PTPRM: variants seen among roughly 807,000 people sequenced by gnomAD.
PTPRM encodes the protein receptor-type tyrosine-protein phosphatase mu.
Under a neutral mutation model 186.7 loss-of-function variants are expected in PTPRM, and 47 were observed. That is an observed-to-expected ratio of 0.25 (90% confidence interval 0.20 to 0.32). The LOEUF is 0.32. PTPRM is among the 10% of genes least tolerant of loss of function. PTPRM has a pLI of 1.00. For synonymous variants in PTPRM, 668 were observed against 674.9 expected (o/e 0.99, Z 0.16); for missense variants, 1,494 against 1,865.0 (o/e 0.80, Z 3.66).
At chr18:8,392,693 C>A (rs755599904) in intron 31 of PTPRM, among the ~76,000 whole-genome samples, 1 of 151,432 alleles carries the variant, frequency 6.6e-6, no homozygotes. Context: ...AGGGATAGTG[C>A]GGGATGAGCC....
At chr18:8,070,521 G>A (rs2089404285) in intron 8 of PTPRM, among the ~76,000 whole-genome samples, 1 of 152,202 alleles carries the variant, frequency 6.6e-6, no homozygotes, top group Non-Finnish European at 1.5e-5. Flanking sequence ...CAGGAACAAT[G>A]TTGAAACCGG....
chr18:7,951,870 C>T (rs529913606), intron 6 of PTPRM, among the ~76,000 whole-genome samples: 13 of 152,228 alleles, frequency 8.5e-5, no homozygotes, highest in Non-Finnish European at 1.3e-4. Context: ...TATACCATAT[C>T]ATATTTGGAG....
At chr18:7,629,520 CA>C (rs879350902) in intron 1 of PTPRM, among the ~76,000 whole-genome samples, 54 of 152,216 alleles carry the variant, frequency 3.5e-4, no homozygotes, top group Admixed American at 1.9e-3. Context: ...TGGGGTATAA[CA>C]GAGGTCACAA....
chr18:7,906,558 G>C lies in PTPRM; in HGVS notation c.522G>C (p.Glu174Asp). Residue 174 changes from glutamate (E) to aspartate (D), a missense_variant, in exon 4 of 33, where the codon GAG (glutamate) becomes GAC (aspartate). Glu to Asp is a conservative substitution (Grantham distance 45). Transcript: ENST00000580170. Reference protein sequence around the residue: ...SGHQGYLAIDEVKVLGHPCTR... With the variant: ...SGHQGYLAIDDVKVLGHPCTR... Reference sequence around the variant, plus strand: ...ATCAAGGCTATCTCGCTATCGATGAGGTGAAGGTGTTAGGACATCCATGTA... The same window carrying C: ...ATCAAGGCTATCTCGCTATCGATGACGTGAAGGTGTTAGGACATCCATGTA... 2 of 1,613,362 alleles carry C rather than the reference G, an allele frequency of 1.2e-6. No homozygotes were observed. Among genetic ancestry groups the C allele is most frequent in the Non-Finnish European group, 1.7e-6 (2 of 1,179,280 alleles).
intron 13 of PTPRM, among the ~76,000 whole-genome samples, chr18:8,120,203 T>G (rs2092117846): frequency 6.6e-6 from 1 of 152,150 alleles, no homozygotes; most frequent in Admixed American, 6.5e-5. Context: ...GCTGGCCCAT[T>G]TGAAGATAAA....
At chr18:8,132,330 C>A (rs1376601570) in intron 13 of PTPRM, among the ~76,000 whole-genome samples, 1 of 152,156 alleles carries the variant, frequency 6.6e-6, no homozygotes, top group Admixed American at 6.5e-5. Flanking sequence ...CACACACGTG[C>A]ACATAGGTAA....
chr18:8,360,943 G>A (rs1465664579), intron 23 of PTPRM: 2 of 152,174 alleles, frequency 1.3e-5, no homozygotes, highest in Non-Finnish European at 2.9e-5. Context: ...GTACGTGTAG[G>A]AGCTTCAATC....
intron 11 of PTPRM, among the ~76,000 whole-genome samples, chr18:8,097,163 CCTT>C (rs2145468736): frequency 6.6e-6 from 1 of 152,262 alleles, no homozygotes; most frequent in African/African-American, 2.4e-5. Context: ...TGCTAATATG[CCTT>C]CTATTTCCTT....
In PTPRM at chr18:8,108,762, A is replaced by T. The variant is rs371957292; in HGVS notation, c.1857-4724A>T. Among the ~76,000 whole-genome samples the T allele has an allele frequency of 6.6e-5, 10 of 152,334 alleles. No individual in the cohort carries two copies. The East Asian group carries it at 1.7e-3, about 26-fold the overall frequency. On this transcript the variant is annotated intron_variant, in intron 11 of 32. Transcript: ENST00000580170. Reference sequence around the variant, plus strand: ...TAAACTTTAAATTAAATTTCCTTCCATAGGAAAGTTCTGATATAATGATGT... The same window carrying T: ...TAAACTTTAAATTAAATTTCCTTCCTTAGGAAAGTTCTGATATAATGATGT...
intron 7 of PTPRM, among the ~76,000 whole-genome samples, chr18:7,961,309 C>T (rs1395930257): frequency 6.6e-6 from 1 of 152,212 alleles, no homozygotes; most frequent in Non-Finnish European, 1.5e-5. Context: ...CTGGCAACCA[C>T]CAGTCTCCTT....
At chr18:7,711,828 C>T (rs2040220247) in intron 1 of PTPRM, among the ~76,000 whole-genome samples, 1 of 152,156 alleles carries the variant, frequency 6.6e-6, no homozygotes, top group Non-Finnish European at 1.5e-5. Context: ...AGGCAGCAGA[C>T]CCAGTCAGGG....
intron 1 of PTPRM, among the ~76,000 whole-genome samples, chr18:7,654,507 C>G (rs1319676574): frequency 1.3e-5 from 2 of 152,174 alleles, no homozygotes; most frequent in Non-Finnish European, 2.9e-5. Flanking sequence ...CTTTTGGCAT[C>G]TTTGTCATGA....
chr18:7,739,795 T>C (rs1367261369), intron 1 of PTPRM, among the ~76,000 whole-genome samples: 1 of 152,224 alleles, frequency 6.6e-6, no homozygotes, highest in Admixed American at 6.5e-5. Flanking sequence ...TCACCTATGC[T>C]GGTGGGGTTG....
chr18:8,315,158 T>G (rs1272037866), intron 21 of PTPRM, among the ~76,000 whole-genome samples: 2 of 152,236 alleles, frequency 1.3e-5, no homozygotes, highest in Non-Finnish European at 2.9e-5. Context: ...CTCTGTAACA[T>G]TCTATGCCTT....
chr18:7,873,400 A>G (rs541782396), intron 2 of PTPRM, among the ~76,000 whole-genome samples: 280 of 152,378 alleles, frequency 1.8e-3, no homozygotes, highest in African/African-American at 6.3e-3. Flanking sequence ...CATCAGCTCC[A>G]GAATCTGACT....
At chr18:7,607,112 A>G (rs1440618153) in intron 1 of PTPRM, among the ~76,000 whole-genome samples, 2 of 152,040 alleles carry the variant, frequency 1.3e-5, no homozygotes, top group Non-Finnish European at 2.9e-5. Context: ...ATTGCCGTTT[A>G]TTTAGTACTC....
intron 5 of PTPRM, among the ~76,000 whole-genome samples, chr18:7,934,247 G>T (rs1216105839): frequency 6.6e-6 from 1 of 152,104 alleles, no homozygotes; most frequent in Admixed American, 6.5e-5. Context: ...CCTTTGAGGA[G>T]TTTAATTTTC....
chr18:8,406,025 T>C, intron 32 of PTPRM, 84 bp from the exon 33 acceptor site: 1 of 1,231,570 alleles, frequency 8.1e-7, no homozygotes, highest in South Asian at 1.2e-5. Context: ...GTCTTCCCAT[T>C]AAGACCCTAC....
At chr18:7,612,365 G>A (rs1045193082) in intron 1 of PTPRM, among the ~76,000 whole-genome samples, 5 of 152,026 alleles carry the variant, frequency 3.3e-5, no homozygotes, top group Non-Finnish European at 7.4e-5. Flanking sequence ...AATCTTCACG[G>A]CCTCATTTTT....
Sources: gnomAD v4.1 joint callset for allele counts (sites outside exome capture counted in the v4.1 genomes callset) on GRCh38, gnomAD v4.1.1 for gene constraint, MANE v1.5 for transcripts, NCBI Gene and HGNC (gene_info 2026-07-23, HGNC 2026-07-21) for gene names.